The following FHIT variants were observed in gnomAD, a reference collection of about 807,000 sequenced individuals.
FHIT encodes fragile histidine triad diadenosine triphosphatase, also known as bis(5'-adenosyl)-triphosphatase.
FHIT carries 19 observed loss-of-function variants against 17.9 expected under a neutral mutation model. That is an observed-to-expected ratio of 1.06 (90% CI 0.74 to 1.56). FHIT has a LOEUF of 1.56. FHIT is among the 40% of genes most tolerant of loss of function. The probability of loss-of-function intolerance (pLI) is 0.00; values close to 1 mark genes in which losing one functional copy is unlikely to be tolerated. For missense variants in FHIT, 248 were observed against 189.2 expected (o/e 1.31, Z -1.82); for synonymous variants, 81 against 69.7 (o/e 1.16, Z -0.81).
chr3:60,953,995 G>T (rs1296394936), intron 3 of FHIT, among the ~76,000 whole-genome samples: 4 of 152,182 alleles, frequency 2.6e-5, no homozygotes, highest in African/African-American at 9.7e-5. Context: ...AAGGGTTTCT[G>T]CAGAATGAGA....
At chr3:60,884,307 G>A (rs577221003) in intron 3 of FHIT, among the ~76,000 whole-genome samples, 3 of 152,204 alleles carry the variant, frequency 2.0e-5, no homozygotes, top group Non-Finnish European at 4.4e-5. Context: ...CGGTATGGAG[G>A]TTCTTCAAAA....
intron 4 of FHIT, among the ~76,000 whole-genome samples, chr3:60,811,335 T>C (rs782754018): frequency 1.3e-5 from 2 of 152,194 alleles, no homozygotes; most frequent in Non-Finnish European, 2.9e-5. Context: ...TACACCTGTT[T>C]TTATAAAATC....
At chr3:60,913,582 C>T (rs1342367447) in intron 3 of FHIT, among the ~76,000 whole-genome samples, 2 of 152,174 alleles carry the variant, frequency 1.3e-5, no homozygotes, top group Admixed American at 1.3e-4. Flanking sequence ...TTTCTGTGAT[C>T]TTTACAACTT....
At chr3:60,484,510 A>C (rs2033753188) in intron 5 of FHIT, among the ~76,000 whole-genome samples, 1 of 152,318 alleles carries the variant, frequency 6.6e-6, no homozygotes, top group African/African-American at 2.4e-5. Flanking sequence ...CTCAGAAATA[A>C]AACCACTCAT....
chr3:59,879,925 C>CCCCCCCCCCCCCCCCCCCCCCCCCCCCA (rs1703334263), intron 8 of FHIT, among the ~76,000 whole-genome samples: 1 of 137,648 alleles, frequency 7.3e-6, no homozygotes, highest in Non-Finnish European at 1.5e-5. Flanking sequence ...CCCCACCCCC[C>CCCCCCCCCCCCCCCCCCCCCCCCCCCCA]CCCCCCCGCC....
intron 7 of FHIT, among the ~76,000 whole-genome samples, chr3:59,953,152 T>A (rs563282569): frequency 4.6e-5 from 7 of 152,124 alleles, no homozygotes; most frequent in Non-Finnish European, 8.8e-5. Flanking sequence ...TGTTTCCATG[T>A]GTGTAAGGGT....
intron 4 of FHIT, among the ~76,000 whole-genome samples, chr3:60,599,426 G>C (rs944386953): frequency 6.6e-6 from 1 of 152,088 alleles, no homozygotes; most frequent in Non-Finnish European, 1.5e-5. Context: ...AGGATGTGAG[G>C]CTCAAAGATA....
chr3:60,323,861 G>A (rs554849843), intron 5 of FHIT, among the ~76,000 whole-genome samples: 36 of 152,272 alleles, frequency 2.4e-4, no homozygotes, highest in African/African-American at 4.6e-4. Context: ...GCCTGCCCAC[G>A]CTTTGTTATA....
At chr3:60,918,808 T>C (rs1429997930) in intron 3 of FHIT, among the ~76,000 whole-genome samples, 2 of 152,340 alleles carry the variant, frequency 1.3e-5, no homozygotes, top group East Asian at 1.9e-4. Flanking sequence ...ATACATGCAA[T>C]GAAAAAGTAT....
chr3:60,788,352 A>AG (rs2108112947), intron 4 of FHIT, among the ~76,000 whole-genome samples: 1 of 152,270 alleles, frequency 6.6e-6, no homozygotes, highest in Non-Finnish European at 1.5e-5. Context: ...GATTTCCCCT[A>AG]GGGGCAATGG....
intron 5 of FHIT, among the ~76,000 whole-genome samples, chr3:60,502,615 TTGA>T (rs2034568022): frequency 6.6e-6 from 1 of 152,218 alleles, no homozygotes; most frequent in Non-Finnish European, 1.5e-5. Flanking sequence ...GTTTAATCAT[TTGA>T]TAATTTTTTA....
intron 5 of FHIT, among the ~76,000 whole-genome samples, chr3:60,198,643 CCCACGTGCAAAATA>C (rs1702755437): frequency 6.6e-6 from 1 of 152,156 alleles, no homozygotes; most frequent in African/African-American, 2.4e-5. Flanking sequence ...ATGCTCAAGT[CCCACGTGCAAAATA>C]CCATCACCGT....
At chr3:60,751,861 C>G (rs182297557) in intron 4 of FHIT, among the ~76,000 whole-genome samples, 7 of 151,942 alleles carry the variant, frequency 4.6e-5, no homozygotes. Flanking sequence ...AAACCAGAAA[C>G]AATCTAAATG....
At chr3:59,804,624 T>C (rs1211820621) in intron 8 of FHIT, among the ~76,000 whole-genome samples, 1 of 152,176 alleles carries the variant, frequency 6.6e-6, no homozygotes, top group Non-Finnish European at 1.5e-5. Context: ...ATGCCCTATG[T>C]AAATGAAGAG....
intron 5 of FHIT, among the ~76,000 whole-genome samples, chr3:60,108,575 G>A (rs1481368633): frequency 6.6e-6 from 1 of 152,118 alleles, no homozygotes; most frequent in African/African-American, 2.4e-5. Context: ...AGAGCCTGAA[G>A]GACAGGGGAC....
At chr3:60,665,658 T>C (rs1214113707) in intron 4 of FHIT, among the ~76,000 whole-genome samples, 3 of 152,078 alleles carry the variant, frequency 2.0e-5, no homozygotes, top group Non-Finnish European at 4.4e-5. Context: ...TCAACTTAAC[T>C]AATCATAGAA....
At chr3:60,333,202 G>T (rs1710071818) in intron 5 of FHIT, among the ~76,000 whole-genome samples, 1 of 152,202 alleles carries the variant, frequency 6.6e-6, no homozygotes, top group Non-Finnish European at 1.5e-5. Flanking sequence ...TGTGACATTT[G>T]CTTCAGAGCA....
At chr3:60,211,082 A>AT (rs1173432363) in intron 5 of FHIT, among the ~76,000 whole-genome samples, 4 of 151,204 alleles carry the variant, frequency 2.6e-5, no homozygotes, top group Admixed American at 2.6e-4. Flanking sequence ...AAAAAAAAAA[A>AT]AAAAAGAAGA....
chr3:61,146,915 A>T (rs1166505886), intron 2 of FHIT, among the ~76,000 whole-genome samples: 1 of 152,082 alleles, frequency 6.6e-6, no homozygotes, highest in Non-Finnish European at 1.5e-5. Flanking sequence ...AATGAGCATC[A>T]TTAATATTGC....
Sources: allele counts gnomAD v4.1 joint callset (sites outside exome capture counted in the v4.1 genomes callset), GRCh38; gene constraint gnomAD v4.1.1; transcripts MANE v1.5; gene names NCBI Gene and HGNC (gene_info 2026-07-23, HGNC 2026-07-21).